TACO1: variants seen among roughly 807,000 people sequenced by gnomAD.
TACO1 encodes translational activator of cytochrome c oxidase I.
TACO1 carries 13 observed loss-of-function variants against 24.0 expected under a neutral mutation model. That is an observed-to-expected ratio of 0.54 (90% CI 0.35 to 0.86). TACO1 has a LOEUF of 0.86. Among genes scored for constraint, TACO1 ranks in the 40% least tolerant of loss-of-function variants. The pLI is 0.01. For missense variants in TACO1, 352 were observed against 380.1 expected, an observed-to-expected ratio of 0.93 and a Z score of 0.61; for synonymous variants, 149 against 153.5, an observed-to-expected ratio of 0.97 and a Z score of 0.22.
In TACO1 at chr17:63,601,133, T is replaced by G. The variant is rs1321555835; in HGVS notation, c.50T>G (p.Leu17Trp). 6.5e-7 allele frequency: 1 copy of G among 1,543,312 alleles called. No individual in the cohort carries two copies. Among genetic ancestry groups the G allele is most frequent in the African/African-American group, 1.4e-5 (1 of 73,004 alleles). ...CTAAGCAGGGCCGCTGCCCGATGCT[T>G]GCTGGCACGAGGCCCCGGGGTCAGG... is the stretch of plus-strand genomic sequence containing the variant. ...ASLSRAAARC[L>W]LARGPGVRAA... The change falls in exon 1 of 5, where the codon TTG becomes TGG. Residue 17 changes from leucine (L) to tryptophan (W), a missense_variant. Coordinates refer to ENST00000258975, the MANE Select transcript of TACO1 (RefSeq NM_016360.4).
chr17:63,601,392 G>C (rs756043007), intron 1 of TACO1, 29 bp downstream of exon 1: 1 of 1,607,898 alleles, frequency 6.2e-7, no homozygotes, highest in East Asian at 2.2e-5. Context: ...CCCAGCACTG[G>C]CTGCCGCTGC....
chr17:63,601,449 C>T, intron 1 of TACO1, 86 bp downstream of exon 1: 2 of 1,447,568 alleles, frequency 1.4e-6, no homozygotes, highest in Non-Finnish European at 1.9e-6. Flanking sequence ...TTGGGCCCAC[C>T]TAGATCTCCG....
Position 63,601,123 on chromosome 17 carries a change from G to A in TACO1, c.40G>A (p.Ala14Thr). 1.3e-6 allele frequency: 2 copies of A among 1,542,698 alleles called. No homozygotes were observed. Among genetic ancestry groups the A allele is most frequent in the Non-Finnish European group, 1.7e-6 (2 of 1,145,434 alleles). ...TGCTGCCAGCCTAAGCAGGGCCGCTGCCCGATGCTTGCTGGCACGAGGCCC... is the reference window on the plus strand; with the variant it reads ...TGCTGCCAGCCTAAGCAGGGCCGCTACCCGATGCTTGCTGGCACGAGGCCC... ...WAAASLSRAA[A>T]RCLLARGPGV... Residue 14 changes from alanine to threonine, a missense_variant, in exon 1 of 5, where the codon GCC becomes ACC. By Grantham distance (58) the Ala-to-Thr change is moderately conservative (BLOSUM62 0). Coordinates refer to ENST00000258975, the MANE Select transcript of TACO1 (RefSeq NM_016360.4).
At chr17:63,601,981 G>A (rs1049096468) in intron 1 of TACO1, among the ~76,000 whole-genome samples, 4 of 151,436 alleles carry the variant, frequency 2.6e-5, no homozygotes, top group African/African-American at 7.3e-5. Context: ...TGGACTGGGC[G>A]CAGTGGCACA....
chr17:63,606,356 G>T lies in TACO1; in HGVS notation c.431G>T (p.Gly144Val). 1 of 1,614,038 alleles carries T rather than the reference G, an allele frequency of 6.2e-7. No individual in the cohort carries two copies. Among genetic ancestry groups the T allele is most frequent in the South Asian group, 1.1e-5 (1 of 91,086 alleles). The change falls in exon 3 of 5, where the codon GGT becomes GTT. Residue 144 changes from glycine to valine, a missense_variant. Transcript: ENST00000258975. ...TTGCTGTATGAGGGTCGAGGCCCTG[G>T]TGGCTCTTCTCTGCTCATCGAGGCA... The part of the protein sequence containing the change: ...TYLLYEGRGP[G>V]GSSLLIEALS...
At position 63,600,991 on chromosome 17, in the gene TACO1, C is replaced by T. The variant is rs1729528386; in HGVS notation, c.-93C>T. 1.4e-6 allele frequency: 2 copies of T among 1,453,402 alleles called. No homozygotes were observed. Among genetic ancestry groups the T allele is most frequent in the African/African-American group, 1.4e-5 (1 of 71,324 alleles). 90.0% of individuals were successfully genotyped at this position (1,453,402 alleles called of 1,614,324 possible). A position where few individuals can be genotyped will look rare whatever the true frequency, so the allele number is the denominator to read the frequency against. On this transcript the variant is annotated 5_prime_UTR_variant, in exon 1 of 5. Transcript: ENST00000258975. ...GATCTCAGGTGACCGGCACAGGCGG[C>T]CGCGGGGTCCGGAACTGCTTGTTCC...
chr17:63,603,034 C>T (rs1189351176), intron 1 of TACO1, among the ~76,000 whole-genome samples: 4 of 151,820 alleles, frequency 2.6e-5, no homozygotes, highest in Non-Finnish European at 5.9e-5. Context: ...AGATCGAGAC[C>T]ATCCTGGCTA....
intron 2 of TACO1, among the ~76,000 whole-genome samples, chr17:63,605,622 T>C (rs912798889): frequency 2.3e-4 from 35 of 152,224 alleles, no homozygotes; most frequent in African/African-American, 7.7e-4. Flanking sequence ...CTAACCGTTA[T>C]GCTTATTGCC....
At chr17:63,606,530 T>C in intron 3 of TACO1, 90 bp downstream of exon 3, 4 of 1,558,430 alleles carry the variant, frequency 2.6e-6, no homozygotes, top group Non-Finnish European at 3.5e-6. Context: ...CTGCTAGTGT[T>C]TCAGGGTTTT....
At chr17:63,607,749 C>G (rs1345046113) in intron 4 of TACO1, 53 bp from the exon 5 acceptor site, 1 of 1,547,060 alleles carries the variant, frequency 6.5e-7, no homozygotes, top group African/African-American at 1.4e-5. Context: ...TCCTGTGTGG[C>G]TTTGTCTCAT....
intron 1 of TACO1, 49 bp from the exon 2 acceptor site, chr17:63,604,485 A>G (rs1393555439): frequency 1.3e-6 from 2 of 1,493,732 alleles, no homozygotes; most frequent in Non-Finnish European, 1.9e-6. Flanking sequence ...CCCATGTTGT[A>G]ATGAGATGTC....
At chr17:63,606,263 G>A in intron 2 of TACO1, 50 bp from the exon 3 acceptor site, 1 of 1,611,690 alleles carries the variant, frequency 6.2e-7, no homozygotes, top group South Asian at 1.1e-5. Context: ...GGGCTGACAT[G>A]TGGGAAGGAA....
At chr17:63,602,614 C>T (rs1447943825) in intron 1 of TACO1, among the ~76,000 whole-genome samples, 1 of 152,020 alleles carries the variant, frequency 6.6e-6, no homozygotes, top group Non-Finnish European at 1.5e-5. Context: ...GCAACCTCCA[C>T]CTCCCAGGCT....
Position 63,608,220 on chromosome 17 carries a change from C to T in TACO1, c.*218C>T, listed in dbSNP as rs995463497. The T allele has an allele frequency of 1.1e-5, 7 of 615,022 alleles. No individual in the cohort carries two copies. Among genetic ancestry groups the T allele is most frequent in the South Asian group, 5.4e-5 (3 of 55,376 alleles). The allele number at this position is 615,022 out of a possible 1,614,324, so 38.1% of individuals were successfully genotyped here. ...CTCAGAGCCATCTGGATGAGTGTCC[C>T]GACACCCTCTCGGATGCAGGGCAGG... On this transcript the variant is annotated 3_prime_UTR_variant, in exon 5 of 5. Transcript: ENST00000258975.
rs1194980446 is a variant in TACO1, at chr17:63,606,384, A to T, written c.459A>T (p.Leu153Phe). ...PGGSSLLIEA[L>F]SNSSHKCQAD... The stretch of plus-strand genomic sequence containing the variant: ...GCTCTTCTCTGCTCATCGAGGCATT[A>T]TCTAACAGTAGCCACAAGTGCCAAG... The change falls in exon 3 of 5, where the codon TTA (leucine) becomes TTT (phenylalanine). Residue 153 changes from leucine to phenylalanine, a missense_variant. Transcript: ENST00000258975. 3 of 1,614,070 alleles carry T rather than the reference A, an allele frequency of 1.9e-6. No individual in the cohort carries two copies. The highest frequency in any genetic ancestry group is 2.5e-6 in the Non-Finnish European group (3 of 1,180,038).
intron 1 of TACO1, among the ~76,000 whole-genome samples, chr17:63,603,048 C>A (rs537086104): frequency 6.6e-6 from 1 of 151,802 alleles, no homozygotes; most frequent in Non-Finnish European, 1.5e-5. Context: ...CTGGCTAACA[C>A]GGTGAAACCC....
intron 1 of TACO1, among the ~76,000 whole-genome samples, chr17:63,602,222 G>A (rs1002746222): frequency 7.0e-6 from 1 of 142,816 alleles, no homozygotes; most frequent in Non-Finnish European, 1.5e-5. Context: ...TTGCTCTACT[G>A]TACTCCATCC....
chr17:63,606,672 A>G (rs949429622), intron 3 of TACO1: 28 of 533,012 alleles, frequency 5.3e-5, no homozygotes, highest in African/African-American at 5.2e-4. Context: ...CAGCCTCCTG[A>G]GTAGCTGGGA....
rs1157801864 is a variant in TACO1, at chr17:63,606,454, T to C, written c.515+14T>C. 1 of 1,614,092 alleles carries C rather than the reference T, an allele frequency of 6.2e-7. No homozygotes were observed. Among genetic ancestry groups the C allele is most frequent in the Non-Finnish European group, 8.5e-7 (1 of 1,179,948 alleles). ...GAATAAGAATGGGTAAGTGTGCGTC[T>C]GGGAGGAGTGGTAGGGGACAGAGCC... On this transcript the variant is annotated intron_variant, in intron 3 of 4. Transcript: ENST00000258975.
Sources: allele counts gnomAD v4.1 joint callset (sites outside exome capture counted in the v4.1 genomes callset), GRCh38; gene constraint gnomAD v4.1.1; transcripts MANE v1.5; gene names NCBI Gene and HGNC (gene_info 2026-07-23, HGNC 2026-07-21).